RERG: variants seen among roughly 807,000 people sequenced by gnomAD.
RERG encodes ras-related and estrogen-regulated growth inhibitor.
In RERG, 25 loss-of-function variants were observed where a neutral mutation model predicts 23.2. The ratio of observed to expected loss-of-function variants is 1.08; its 90% confidence interval spans 0.79 to 1.50. The LOEUF (loss-of-function observed/expected upper bound fraction) is 1.50, where lower values mean the gene tolerates loss of function less well. RERG is among the 40% of genes most tolerant of loss of function. The pLI is 0.00. For missense variants in RERG, 253 were observed against 250.1 expected, an observed-to-expected ratio of 1.01 and a Z score of -0.08; for synonymous variants, 81 against 89.1, an observed-to-expected ratio of 0.91 and a Z score of 0.51.
At chr12:15,195,290 T>C (rs1865127391) in intron 2 of RERG, among the ~76,000 whole-genome samples, 1 of 152,016 alleles carries the variant, frequency 6.6e-6, no homozygotes, top group South Asian at 2.1e-4. Context: ...TGGAATGACA[T>C]ACAAACCCTA....
At chr12:15,154,127 G>A (rs1260512471) in intron 2 of RERG, 2 of 152,268 alleles carry the variant, frequency 1.3e-5, no homozygotes, top group Admixed American at 1.3e-4. Context: ...GAAGCATGAG[G>A]CAGTAAATTT....
intron 2 of RERG, among the ~76,000 whole-genome samples, chr12:15,144,271 T>A (rs1864292022): frequency 1.3e-5 from 2 of 152,218 alleles, no homozygotes; most frequent in Non-Finnish European, 2.9e-5. Context: ...AGATGCTCAG[T>A]GACCATGGAG....
chr12:15,212,306 G>T (rs1037487273), intron 2 of RERG, among the ~76,000 whole-genome samples: 14 of 150,980 alleles, frequency 9.3e-5, no homozygotes, highest in Non-Finnish European at 1.9e-4. Flanking sequence ...TGATCCACCC[G>T]CCTCGGCCTC....
intron 2 of RERG, among the ~76,000 whole-genome samples, chr12:15,210,384 A>T (rs1025248225): frequency 1.3e-5 from 2 of 152,224 alleles, no homozygotes; most frequent in Admixed American, 1.3e-4. Flanking sequence ...ATTCCAATAA[A>T]AAAGCAAGAA....
At chr12:15,115,098 G>GTA (rs1323592332) in intron 3 of RERG, among the ~76,000 whole-genome samples, 2 of 151,312 alleles carry the variant, frequency 1.3e-5, no homozygotes, top group African/African-American at 2.4e-5. Flanking sequence ...GATTAGAAGT[G>GTA]TATATATATA....
chr12:15,114,319 G>C (rs1414829712), intron 3 of RERG, among the ~76,000 whole-genome samples: 1 of 152,020 alleles, frequency 6.6e-6, no homozygotes, highest in Non-Finnish European at 1.5e-5. Context: ...AAAGACTGGA[G>C]AACATATTTG....
rs532385990 is a variant in RERG, at chr12:15,181,071, A to T, written c.61+36358T>A. ...AGCCACTAAGAAACCAAACACAGACATCAATAGCTTTAAAACTCTGTTTTT... is the reference window on the plus strand; with the variant it reads ...AGCCACTAAGAAACCAAACACAGACTTCAATAGCTTTAAAACTCTGTTTTT... On this transcript the variant is annotated intron_variant, in intron 2 of 4. Transcript: ENST00000256953. 4.4e-3 allele frequency among the ~76,000 whole-genome samples: 666 copies of T among 152,224 alleles called. 3 individuals carry two copies. Among genetic ancestry groups the T allele is most frequent in the Middle Eastern group, 0.014 (4 of 294 alleles).
intron 2 of RERG, among the ~76,000 whole-genome samples, chr12:15,123,220 A>G (rs1863869486): frequency 6.6e-6 from 1 of 152,198 alleles, no homozygotes; most frequent in Admixed American, 6.5e-5. Flanking sequence ...AAAACCATTT[A>G]AATTTGAATC....
chr12:15,165,749 C>G (rs1480267955), intron 2 of RERG, among the ~76,000 whole-genome samples: 1 of 152,162 alleles, frequency 6.6e-6, no homozygotes, highest in African/African-American at 2.4e-5. Context: ...CTATAACACT[C>G]CAATTATGGC....
intron 2 of RERG, among the ~76,000 whole-genome samples, chr12:15,140,231 A>C (rs912217419): frequency 2.0e-5 from 3 of 152,096 alleles, no homozygotes; most frequent in African/African-American, 7.2e-5. Context: ...CCCTTATAAA[A>C]GGCACCCCTG....
chr12:15,122,439 G>A (rs893455006), intron 2 of RERG, among the ~76,000 whole-genome samples: 2 of 152,102 alleles, frequency 1.3e-5, no homozygotes, highest in East Asian at 3.9e-4. Flanking sequence ...TGAGGACTTC[G>A]CAAAACAGAG....
chr12:15,178,967 C>T (rs1425923412), intron 2 of RERG, among the ~76,000 whole-genome samples: 2 of 152,118 alleles, frequency 1.3e-5, no homozygotes, highest in Admixed American at 1.3e-4. Flanking sequence ...TATTGAAATC[C>T]TAACCTATTA....
intron 2 of RERG, among the ~76,000 whole-genome samples, chr12:15,156,035 G>A (rs901498852): frequency 3.1e-4 from 46 of 150,308 alleles, no homozygotes; most frequent in African/African-American, 1.1e-3. Context: ...TTGATATACT[G>A]TTAGAAAAAC....
chr12:15,142,627 C>T (rs1864256566), intron 2 of RERG, among the ~76,000 whole-genome samples: 1 of 152,020 alleles, frequency 6.6e-6, no homozygotes, highest in South Asian at 2.1e-4. Context: ...TTGGCCTCTT[C>T]TTTATTTTGC....
At chr12:15,203,074 C>A (rs1382690367) in intron 2 of RERG, among the ~76,000 whole-genome samples, 3 of 151,694 alleles carry the variant, frequency 2.0e-5, no homozygotes, top group Non-Finnish European at 4.4e-5. Flanking sequence ...TGATGTTGAG[C>A]ACCTTTTCAA....
intron 3 of RERG, among the ~76,000 whole-genome samples, chr12:15,112,689 A>G (rs1215728048): frequency 6.6e-6 from 1 of 152,230 alleles, no homozygotes; most frequent in East Asian, 1.9e-4. Flanking sequence ...AGTAAGTGTA[A>G]GTAAGTAAAA....
At chr12:15,155,700 T>G (rs1864511511) in intron 2 of RERG, among the ~76,000 whole-genome samples, 1 of 152,100 alleles carries the variant, frequency 6.6e-6, no homozygotes, top group Non-Finnish European at 1.5e-5. Context: ...CTTTCTCTAC[T>G]CCTGGAGTCA....
In RERG at chr12:15,136,085, C is replaced by T. The variant is rs571349707; in HGVS notation, c.62-14966G>A. On this transcript the variant is annotated intron_variant, in intron 2 of 4. Coordinates refer to ENST00000256953, the MANE Select transcript of RERG (RefSeq NM_032918.3). ...ATTTAACTTCTTTAATAGGTATATG[C>T]CTGTTCTCGTTGTCTATTTCTTCTT... Among the ~76,000 whole-genome samples the T allele has an allele frequency of 1.6e-4, 25 of 152,016 alleles. No individual in the cohort carries two copies. The East Asian group carries it at 4.3e-3, about 26-fold the overall frequency.
At chr12:15,140,079 A>G (rs567476152) in intron 2 of RERG, among the ~76,000 whole-genome samples, 152 of 152,286 alleles carry the variant, frequency 1.0e-3, no homozygotes, top group African/African-American at 3.4e-3. Flanking sequence ...TTTCTTTTTT[A>G]AAAGGTGTTA....
Sources: allele counts gnomAD v4.1 joint callset (sites outside exome capture counted in the v4.1 genomes callset), GRCh38; gene constraint gnomAD v4.1.1; transcripts MANE v1.5; gene names NCBI Gene and HGNC (gene_info 2026-07-23, HGNC 2026-07-21).